PKM: variants seen among roughly 807,000 people sequenced by gnomAD.
PKM encodes the protein pyruvate kinase M1/2, also known as pyruvate kinase PKM.
A neutral mutation model predicts 49.8 loss-of-function variants in PKM; 18 were observed. The observed-to-expected ratio is 0.36, with a 90% CI of 0.25 to 0.54. PKM has a LOEUF of 0.54. PKM is among the 20% of genes least tolerant of loss of function. PKM has a pLI of 0.89. For synonymous variants in PKM, 239 were observed against 261.8 expected (o/e 0.91, Z 0.84); for missense variants, 508 against 713.8 (o/e 0.71, Z 3.28).
chr15:72,227,768 A>C (rs988790921), intron 1 of PKM, among the ~76,000 whole-genome samples: 11 of 124,372 alleles, frequency 8.8e-5, no homozygotes, highest in East Asian at 2.0e-4. Flanking sequence ...AAAAAAAAAA[A>C]AAAAAACAAA....
At chr15:72,201,973 G>A in intron 9 of PKM, 1 of 215,526 alleles carries the variant, frequency 4.6e-6, no homozygotes, top group Non-Finnish European at 9.5e-6. Context: ...AGATAGCACA[G>A]CAACCTCTCC....
rs2081872489 is a variant in PKM, at chr15:72,199,370, C to T, written c.*280G>A. 4.7e-6 allele frequency: 3 copies of T among 637,970 alleles called. No homozygotes were observed. Among genetic ancestry groups the T allele is most frequent in the South Asian group, 1.5e-5 (1 of 65,308 alleles). The allele number at this position is 637,970 out of a possible 1,614,324, so 39.5% of individuals were successfully genotyped here. On this transcript the variant is annotated 3_prime_UTR_variant, in exon 11 of 11. Coordinates refer to ENST00000335181, the MANE Select transcript of PKM (RefSeq NM_002654.6). ...GTACACACAGGAAAGGAAGCTGTCA[C>T]CCTCTTGCCATCTGGCTCCAGGGGC...
chr15:72,221,073 T>C (rs1302552337), intron 1 of PKM: 20 of 749,912 alleles, frequency 2.7e-5, no homozygotes, highest in Non-Finnish European at 3.3e-5. Flanking sequence ...CTAATTCCAC[T>C]CTTTTTAAAA....
chr15:72,202,866 T>A lies in PKM; in HGVS notation c.1141-246A>T. On this transcript the variant is annotated intron_variant, in intron 8 of 10. Coordinates refer to ENST00000335181, the MANE Select transcript of PKM (RefSeq NM_002654.6). The surrounding 1 kb of genome is among the most constrained non-coding windows in gnomAD (Gnocchi z 4.5). The stretch of plus-strand genomic sequence containing the variant: ...TGTGCCTACTGAGCCACAGGACCCT[T>A]TGGTCCTGCCCTGCCATGACCTCCC... The A allele has an allele frequency of 2.4e-6, 2 of 816,858 alleles. No individual in the cohort carries two copies. The highest frequency in any genetic ancestry group is 4.1e-6 in the Non-Finnish European group (2 of 486,258). The allele number at this position is 816,858 out of a possible 1,614,324, so 50.6% of individuals were successfully genotyped here. A position where few individuals can be genotyped will look rare whatever the true frequency, so the allele number is the denominator to read the frequency against.
intron 1 of PKM, 105 bp from the exon 2 acceptor site, chr15:72,219,215 G>T: frequency 1.9e-6 from 2 of 1,034,136 alleles, no homozygotes; most frequent in South Asian, 1.5e-5. Flanking sequence ...CAATAAGCAC[G>T]CTTTGTACAC....
intron 6 of PKM, among the ~76,000 whole-genome samples, 170 bp downstream of exon 6, chr15:72,208,451 A>G (rs553731896): frequency 6.6e-6 from 1 of 151,442 alleles, no homozygotes; most frequent in Non-Finnish European, 1.5e-5. Context: ...ACAAAAACAA[A>G]AAAACATAAT....
chr15:72,226,955 T>A (rs1444254475), intron 1 of PKM, among the ~76,000 whole-genome samples: 1 of 152,212 alleles, frequency 6.6e-6, no homozygotes, highest in Admixed American at 6.5e-5. Flanking sequence ...ACCCAACTCC[T>A]GAGCTGAGCA....
chr15:72,217,309 A>T, intron 3 of PKM, 100 bp downstream of exon 3: 1 of 771,504 alleles, frequency 1.3e-6, no homozygotes, highest in East Asian at 2.5e-5. Context: ...TGAAACTCAG[A>T]CTCATCCTTG....
At chr15:72,206,967 A>G in intron 7 of PKM, 87 bp from the exon 8 acceptor site, 2 of 1,518,846 alleles carry the variant, frequency 1.3e-6, no homozygotes, top group East Asian at 2.3e-5. Context: ...GATAGTGAGT[A>G]GGTACACAGA....
In PKM at chr15:72,207,700, G is replaced by C. The variant is rs560155818; in HGVS notation, c.837-423C>G. 8.5e-5 allele frequency among the ~76,000 whole-genome samples: 13 copies of C among 152,352 alleles called. 1 individual carries two copies. The South Asian group carries it at 2.7e-3, about 32-fold the overall frequency. On this transcript the variant is annotated intron_variant, in intron 6 of 10. Coordinates refer to ENST00000335181, the MANE Select transcript of PKM (RefSeq NM_002654.6). ...GCCTCATCTAGTCAAGGACACTTGA[G>C]GACTGCCCTTTGAGGTGGCCCACTC...
At chr15:72,206,908 T>G in intron 7 of PKM, 28 bp from the exon 8 acceptor site, 1 of 1,613,386 alleles carries the variant, frequency 6.2e-7, no homozygotes, top group Non-Finnish European at 8.5e-7. Flanking sequence ...ATTAGTGAGA[T>G]GTAGCTTGAG....
At position 72,202,559 on chromosome 15, in the gene PKM, A is replaced by C. The variant is rs1389054325; in HGVS notation, c.1202T>G (p.Leu401Arg). 1.2e-6 allele frequency: 2 copies of C among 1,613,574 alleles called. No individual in the cohort carries two copies. Among genetic ancestry groups the C allele is most frequent in the African/African-American group, 2.7e-5 (2 of 75,072 alleles). ...HLQLFEELRR[L>R]APITSDPTEA... The stretch of plus-strand genomic sequence containing the variant: ...TGTGGGGTCGCTGGTAATGGGCGCC[A>C]GGCGGCGGAGTTCCTCAAATAATTG... The change falls in exon 9 of 11, where the codon CTG becomes CGG. Residue 401 changes from leucine to arginine, a missense_variant. By Grantham distance (102) the Leu-to-Arg change is moderately radical (BLOSUM62 -2). Coordinates refer to ENST00000335181, the MANE Select transcript of PKM (RefSeq NM_002654.6). This position sits in a 1 kb window ranked among gnomAD's most constrained non-coding sequence, Gnocchi z 4.5.
At chr15:72,221,495 CAT>C (rs2082522502) in intron 1 of PKM, among the ~76,000 whole-genome samples, 1 of 151,686 alleles carries the variant, frequency 6.6e-6, no homozygotes, top group African/African-American at 2.4e-5. Context: ...CCAAATTAAA[CAT>C]ACCTAAAAGA....
rs549143157 is a variant in PKM at position 72,220,145 on chromosome 15, A to G, written c.-13-1035T>C. Among the ~76,000 whole-genome samples, 15 of 152,350 alleles carry G rather than the reference A, an allele frequency of 9.8e-5. 2 individuals carry two copies. In the South Asian group the frequency reaches 1.2e-3, roughly 13 times the overall value. On this transcript the variant is annotated intron_variant, in intron 1 of 10. Coordinates refer to ENST00000335181, the MANE Select transcript of PKM (RefSeq NM_002654.6). ...GGCAGTGTTTGAAGAACTATCAGGTAAGGATGTGAACCAGAAGCTTGCTAC... is the reference window on the plus strand; with the variant it reads ...GGCAGTGTTTGAAGAACTATCAGGTGAGGATGTGAACCAGAAGCTTGCTAC...
At chr15:72,216,045 G>C (rs1452873088) in intron 3 of PKM, among the ~76,000 whole-genome samples, 1 of 152,176 alleles carries the variant, frequency 6.6e-6, no homozygotes, top group African/African-American at 2.4e-5. Context: ...TATGAACACA[G>C]GTTAGGGAAT....
At position 72,207,173 on chromosome 15, in the gene PKM, A is replaced by G; in HGVS notation, c.941T>C (p.Ile314Thr). 1 of 1,614,142 alleles carries G rather than the reference A, an allele frequency of 6.2e-7. No individual in the cohort carries two copies. The highest frequency in any genetic ancestry group is 1.1e-5 in the South Asian group (1 of 91,080). The change falls in exon 7 of 11, where the codon ATT (isoleucine) becomes ACT (threonine). Residue 314 changes from isoleucine to threonine, a missense_variant. Physicochemically the swap from Ile to Thr is moderately conservative, Grantham distance 89 (BLOSUM62 -1). Coordinates refer to ENST00000335181, the MANE Select transcript of PKM (RefSeq NM_002654.6). The part of the protein sequence containing the change: ...EKVFLAQKMM[I>T]GRCNRAGKPV... ...CTTCCCAGCTCGGTTGCACCGTCCA[A>G]TCATCATCTTCTGAGCAAGGAAGAC...
At chr15:72,219,338 C>G in intron 1 of PKM, 1 of 489,326 alleles carries the variant, frequency 2.0e-6, no homozygotes, top group South Asian at 2.7e-5. Context: ...GTTAAAACCT[C>G]CCACCCACTC....
chr15:72,225,088 A>ATTT (rs59687887), intron 1 of PKM, among the ~76,000 whole-genome samples: 10 of 116,642 alleles, frequency 8.6e-5, no homozygotes, highest in African/African-American at 3.2e-4. Flanking sequence ...GGCCCGGCTA[A>ATTT]TTTTTTTTTT....
chr15:72,214,582 G>A (rs570171182), intron 3 of PKM, among the ~76,000 whole-genome samples: 1 of 152,198 alleles, frequency 6.6e-6, no homozygotes, highest in South Asian at 2.1e-4. Context: ...GATCACTTGA[G>A]GTCAGGAATT....
Sources: allele counts gnomAD v4.1 joint callset (sites outside exome capture counted in the v4.1 genomes callset), GRCh38; gene constraint gnomAD v4.1.1; non-coding constraint Gnocchi (gnomAD v3.1); transcripts MANE v1.5; gene names NCBI Gene and HGNC (gene_info 2026-07-23, HGNC 2026-07-21).